The following GALNTL6 variants were observed in gnomAD, a reference collection of about 807,000 sequenced individuals.
GALNTL6 encodes polypeptide N-acetylgalactosaminyltransferase like 6.
A neutral mutation model predicts 73.7 loss-of-function variants in GALNTL6; 46 were observed. That is an observed-to-expected ratio of 0.62 (90% confidence interval 0.49 to 0.80). The LOEUF (loss-of-function observed/expected upper bound fraction) is 0.80. Among genes scored for constraint, GALNTL6 ranks in the 30% least tolerant of loss-of-function variants. GALNTL6 has a pLI of 0.00. For missense variants in GALNTL6, 604 were observed against 755.0 expected (o/e 0.80, Z 2.34); for synonymous variants, 259 against 263.7 (o/e 0.98, Z 0.17).
At chr4:172,182,006 C>T (rs998650002) in intron 2 of GALNTL6, among the ~76,000 whole-genome samples, 7 of 152,046 alleles carry the variant, frequency 4.6e-5, no homozygotes, top group East Asian at 1.9e-4. Context: ...AGTGAGCCAC[C>T]GCGCCCGGCC....
intron 2 of GALNTL6, among the ~76,000 whole-genome samples, chr4:172,093,310 TC>T (rs1732258065): frequency 6.6e-6 from 1 of 152,214 alleles, no homozygotes; most frequent in African/African-American, 2.4e-5. Flanking sequence ...CTTATAATAA[TC>T]TAATTTTATC....
At chr4:171,892,879 A>G (rs979570861) in intron 2 of GALNTL6, among the ~76,000 whole-genome samples, 5 of 152,166 alleles carry the variant, frequency 3.3e-5, no homozygotes, top group African/African-American at 1.2e-4. Flanking sequence ...ACATTTATTG[A>G]AAGTTTTCTA....
chr4:172,799,033 A>C (rs1229751821), intron 5 of GALNTL6, among the ~76,000 whole-genome samples: 2 of 152,218 alleles, frequency 1.3e-5, no homozygotes, highest in Non-Finnish European at 2.9e-5. Flanking sequence ...TATTTAATAG[A>C]TACATTGGTA....
intron 5 of GALNTL6, among the ~76,000 whole-genome samples, chr4:172,589,648 G>A (rs570266511): frequency 1.3e-5 from 2 of 152,350 alleles, no homozygotes; most frequent in African/African-American, 4.8e-5. Context: ...AAATTCTGCA[G>A]CCTTAAAAAT....
chr4:172,909,299 G>T (rs1302894870), intron 8 of GALNTL6, among the ~76,000 whole-genome samples: 1 of 149,016 alleles, frequency 6.7e-6, no homozygotes, highest in Non-Finnish European at 1.5e-5. Flanking sequence ...AGTCTCCTAA[G>T]TGTGTTTTAA....
At chr4:172,377,769 G>A (rs766658596) in intron 5 of GALNTL6, among the ~76,000 whole-genome samples, 21 of 152,174 alleles carry the variant, frequency 1.4e-4, no homozygotes, top group South Asian at 8.3e-4. Flanking sequence ...CTCCGCAGAC[G>A]CTGGCCCAGG....
intron 2 of GALNTL6, among the ~76,000 whole-genome samples, chr4:172,212,448 C>T (rs976092800): frequency 6.6e-6 from 1 of 152,124 alleles, no homozygotes; most frequent in Non-Finnish European, 1.5e-5. Context: ...CATGAGTTAC[C>T]TCGCCCAGCC....
At chr4:172,806,088 G>A (rs1740941502) in intron 5 of GALNTL6, among the ~76,000 whole-genome samples, 1 of 152,144 alleles carries the variant, frequency 6.6e-6, no homozygotes. Flanking sequence ...TCCCTTGTAT[G>A]AGAGTTGAAT....
chr4:172,668,165 A>G lies in GALNTL6; in HGVS notation c.554-141196A>G, dbSNP rs186131108. The stretch of plus-strand genomic sequence containing the variant: ...AAAAAATGTGTTGCTCTTGAGTATT[A>G]TTGCCATTGATGAGTTCCACAGTGC... On this transcript the variant is annotated intron_variant, in intron 5 of 12. Coordinates refer to ENST00000506823, the MANE Select transcript of GALNTL6 (RefSeq NM_001034845.3). The G allele has an allele frequency of 7.9e-4, 120 of 152,314 alleles. 1 individual carries two copies. Among genetic ancestry groups the G allele is most frequent in the African/African-American group, 2.7e-3 (114 of 41,582 alleles). 9.4% of individuals were successfully genotyped at this position (152,314 alleles called of 1,614,324 possible). A position where few individuals can be genotyped will look rare whatever the true frequency, so the allele number is the denominator to read the frequency against.
chr4:172,218,974 A>G (rs918494506), intron 2 of GALNTL6, among the ~76,000 whole-genome samples: 22 of 151,494 alleles, frequency 1.5e-4, no homozygotes, highest in African/African-American at 4.6e-4. Flanking sequence ...TTACAACTAC[A>G]TGAGATAAAG....
intron 5 of GALNTL6, among the ~76,000 whole-genome samples, chr4:172,435,302 A>G (rs766650697): frequency 5.0e-4 from 76 of 152,238 alleles, no homozygotes; most frequent in African/African-American, 1.7e-3. Context: ...TGCTGTTGCT[A>G]TTCACCAACT....
chr4:172,668,586 G>C (rs1419943632), intron 5 of GALNTL6: 1 of 152,148 alleles, frequency 6.6e-6, no homozygotes, highest in Non-Finnish European at 1.5e-5. Flanking sequence ...CTAATGAAAA[G>C]AGAGCATTTC....
At chr4:172,704,816 A>T (rs1261402079) in intron 5 of GALNTL6, among the ~76,000 whole-genome samples, 1 of 151,884 alleles carries the variant, frequency 6.6e-6, no homozygotes, top group African/African-American at 2.4e-5. Flanking sequence ...ATTGTATTGC[A>T]GTCTATCCTT....
At chr4:172,766,992 G>T (rs1028232581) in intron 5 of GALNTL6, among the ~76,000 whole-genome samples, 1 of 152,178 alleles carries the variant, frequency 6.6e-6, no homozygotes. Context: ...TTTACATACT[G>T]ATGAGGCTAT....
chr4:172,310,227 C>T (rs1189068345), intron 3 of GALNTL6, among the ~76,000 whole-genome samples: 1 of 151,286 alleles, frequency 6.6e-6, no homozygotes, highest in African/African-American at 2.4e-5. Context: ...AAATTTTGTA[C>T]ATAGCATTTT....
chr4:172,699,121 CTGGGGACTCCTTCATGA>C (rs1365859613), intron 5 of GALNTL6, among the ~76,000 whole-genome samples: 15 of 152,072 alleles, frequency 9.9e-5, no homozygotes, highest in African/African-American at 3.4e-4. Flanking sequence ...AGAAAGCTCT[CTGGGGACTCCTTCATGA>C]GGATCTTAAT....
chr4:171,903,555 C>A lies in GALNTL6; in HGVS notation c.138+88837C>A, dbSNP rs986824449. Reference sequence around the variant, plus strand: ...CTGAGATCAAACTGCAAGGCGGCAGCGAGGCTGGGGGAGGGGCGCCCGCCA... The same window carrying A: ...CTGAGATCAAACTGCAAGGCGGCAGAGAGGCTGGGGGAGGGGCGCCCGCCA... On this transcript the variant is annotated intron_variant, in intron 2 of 12. Transcript: ENST00000506823. 6.7e-5 allele frequency among the ~76,000 whole-genome samples: 10 copies of A among 148,802 alleles called. 1 individual carries two copies. Among genetic ancestry groups the A allele is most frequent in the South Asian group, 4.3e-4 (2 of 4,656 alleles).
intron 5 of GALNTL6, among the ~76,000 whole-genome samples, chr4:172,473,215 A>G (rs577663117): frequency 3.3e-5 from 5 of 152,072 alleles, no homozygotes; most frequent in East Asian, 3.9e-4. Flanking sequence ...CAAGACTCCA[A>G]TATTTCTCCC....
intron 5 of GALNTL6, among the ~76,000 whole-genome samples, chr4:172,601,595 C>T (rs1318064511): frequency 6.6e-6 from 1 of 152,184 alleles, no homozygotes; most frequent in African/African-American, 2.4e-5. Flanking sequence ...TGCCCCTCTC[C>T]AGAAGCCATC....
Sources: gnomAD v4.1 joint callset for allele counts (sites outside exome capture counted in the v4.1 genomes callset) on GRCh38, gnomAD v4.1.1 for gene constraint, MANE v1.5 for transcripts, NCBI Gene and HGNC (gene_info 2026-07-23, HGNC 2026-07-21) for gene names.